Variants in KANSL1L observed in about 807,000 individuals in gnomAD.
KANSL1L encodes KAT8 regulatory NSL complex subunit 1-like protein.
In KANSL1L, 25 loss-of-function variants were observed where a neutral mutation model predicts 108.6. The observed-to-expected ratio is 0.23, with a 90% CI of 0.17 to 0.32. The LOEUF (loss-of-function observed/expected upper bound fraction) is 0.32, where lower values mean the gene tolerates loss of function less well. Among genes scored for constraint, KANSL1L ranks in the 10% least tolerant of loss-of-function variants. KANSL1L has a pLI of 1.00. For synonymous variants in KANSL1L, 405 were observed against 395.1 expected (o/e 1.03, Z -0.30); for missense variants, 1,137 against 1,125.7 (o/e 1.01, Z -0.14).
chr2:210,118,423 C>T lies in KANSL1L; in HGVS notation c.1230+10608G>A, dbSNP rs865800221. Among the ~76,000 whole-genome samples the T allele has an allele frequency of 1.2e-4, 17 of 146,316 alleles. 1 individual carries two copies. The highest frequency in any genetic ancestry group is 3.5e-3 in the Middle Eastern group (1 of 282). ...TGGAGGTCGCACTGTGAGCTCAGAT[C>T]GCACCATTGCACTCCAGCCTGGGCA... On this transcript the variant is annotated intron_variant, in intron 3 of 14. Transcript: ENST00000281772.
At chr2:210,138,582 G>A (rs533846263) in intron 2 of KANSL1L, among the ~76,000 whole-genome samples, 21 of 152,162 alleles carry the variant, frequency 1.4e-4, no homozygotes, top group Admixed American at 6.5e-4. Flanking sequence ...TGGGACTTAC[G>A]CTTTTTAAAA....
chr2:210,120,115 C>A (rs1313429832), intron 3 of KANSL1L, among the ~76,000 whole-genome samples: 2 of 152,138 alleles, frequency 1.3e-5, no homozygotes, highest in Non-Finnish European at 2.9e-5. Context: ...GCTGGCCAGG[C>A]ACGGTGGCTC....
upstream of KANSL1L, chr2:210,171,463 G>A (rs560264235): frequency 1.1e-4 from 17 of 155,022 alleles, no homozygotes; most frequent in South Asian, 8.8e-4. Flanking sequence ...GAGGGGCAGC[G>A]CCATGCAAAT....
At chr2:210,031,239 A>G in intron 9 of KANSL1L, 182 bp downstream of exon 9, 1 of 510,564 alleles carries the variant, frequency 2.0e-6, no homozygotes, top group South Asian at 2.5e-5. Flanking sequence ...GTGGGTAGAT[A>G]CCAGTCCACA....
intron 6 of KANSL1L, among the ~76,000 whole-genome samples, chr2:210,061,786 CGTG>C (rs1158924691): frequency 2.0e-5 from 3 of 152,004 alleles, no homozygotes; most frequent in Admixed American, 2.0e-4. Flanking sequence ...TTAGAAACTA[CGTG>C]AAGTTTTAAC....
intron 12 of KANSL1L, among the ~76,000 whole-genome samples, chr2:210,026,937 A>AT (rs199756283): frequency 0.015 from 2,250 of 151,928 alleles, 69 homozygotes; most frequent in African/African-American, 0.052. Flanking sequence ...CGCCCGACTA[A>AT]TTTTTTTGTA....
chr2:210,152,095 ATTAG>A (rs948918923), intron 2 of KANSL1L: 1 of 152,128 alleles, frequency 6.6e-6, no homozygotes, highest in African/African-American at 2.4e-5. Context: ...CCTAGTGCCC[ATTAG>A]TTATTTTTCC....
At chr2:210,121,233 A>G (rs2095016690) in intron 3 of KANSL1L, among the ~76,000 whole-genome samples, 1 of 152,230 alleles carries the variant, frequency 6.6e-6, no homozygotes, top group South Asian at 2.1e-4. Context: ...TAGCAAAGGC[A>G]TAGAATCAAC....
chr2:210,027,339 A>C lies in KANSL1L; in HGVS notation c.2408T>G (p.Val803Gly), dbSNP rs2093952223. ...ATATTCATCCAAAGGCTGAAGAACA[A>C]CCATCCTCCAGCTGTTGAAGATAAA... The part of the protein sequence containing the change: ...KEILTPSWRM[V>G]VLQPLDEYNL... The change falls in exon 12 of 15, where the codon GTT becomes GGT. Residue 803 changes from valine (V) to glycine (G), a missense_variant. Physicochemically the swap from Val to Gly is moderately radical, Grantham distance 109. Around this residue, in one of 3 missense-constraint regions of KANSL1L, gnomAD observed 575 missense variants for 567.1 expected, o/e 1.01. Transcript: ENST00000281772. 3 of 1,612,688 alleles carry C rather than the reference A, an allele frequency of 1.9e-6. No individual in the cohort carries two copies. In the East Asian group the frequency reaches 6.7e-5, roughly 36 times the overall value.
chr2:210,104,451 C>A, intron 3 of KANSL1L, 150 bp from the exon 4 acceptor site: 1 of 613,324 alleles, frequency 1.6e-6, no homozygotes, highest in South Asian at 2.2e-5. Context: ...AAAGAACTGG[C>A]TGGTTTAAAA....
At chr2:210,171,677 C>G (rs1376980942), upstream of KANSL1L, 2 of 151,998 alleles carry the variant, frequency 1.3e-5, no homozygotes, top group African/African-American at 4.8e-5. Flanking sequence ...AAAAACACGG[C>G]CAGGAGACTT....
Position 210,051,099 on chromosome 2 carries a change from C to A in KANSL1L, c.1756-6995G>T, listed in dbSNP as rs553284213. Among the ~76,000 whole-genome samples, 17 of 152,244 alleles carry A rather than the reference C, an allele frequency of 1.1e-4. No homozygotes were observed. In the South Asian group the frequency reaches 3.1e-3, roughly 28 times the overall value. On this transcript the variant is annotated intron_variant, in intron 6 of 14. Transcript: ENST00000281772. Reference sequence around the variant, plus strand: ...GCAGGAGGATCACTTGAGCCTTTAACATATCTTAATATTTAAATCTACATA... The same window carrying A: ...GCAGGAGGATCACTTGAGCCTTTAAAATATCTTAATATTTAAATCTACATA...
intron 6 of KANSL1L, among the ~76,000 whole-genome samples, chr2:210,045,311 G>A (rs1332138231): frequency 6.6e-6 from 1 of 151,704 alleles, no homozygotes; most frequent in Non-Finnish European, 1.5e-5. Context: ...TTCTTTTAGT[G>A]GTTTCCATAG....
intron 6 of KANSL1L, among the ~76,000 whole-genome samples, chr2:210,054,776 GAGGGGAAAGGAAGGGAA>G (rs2094331642): frequency 6.6e-6 from 1 of 151,854 alleles, no homozygotes; most frequent in Non-Finnish European, 1.5e-5. Context: ...AGGGAAAAAG[GAGGGGAAAGGAAGGGAA>G]GGGGGAAAGG....
chr2:210,149,699 AC>A (rs1401955950), intron 2 of KANSL1L, among the ~76,000 whole-genome samples: 2 of 152,044 alleles, frequency 1.3e-5, no homozygotes, highest in Non-Finnish European at 2.9e-5. Flanking sequence ...TTTTATATTC[AC>A]ACCAAAAGAT....
intron 1 of KANSL1L, among the ~76,000 whole-genome samples, chr2:210,154,903 T>C (rs2095324745): frequency 6.6e-6 from 1 of 151,974 alleles, no homozygotes. Context: ...TTTGACAACA[T>C]TTAATTACAG....
At chr2:210,137,834 C>G (rs2095188559) in intron 2 of KANSL1L, among the ~76,000 whole-genome samples, 1 of 152,026 alleles carries the variant, frequency 6.6e-6, no homozygotes, top group African/African-American at 2.4e-5. Context: ...AGTTTGAGAC[C>G]AGACTAAGCA....
chr2:210,066,965 T>C (rs2094471165), intron 6 of KANSL1L, among the ~76,000 whole-genome samples: 1 of 152,184 alleles, frequency 6.6e-6, no homozygotes, highest in South Asian at 2.1e-4. Context: ...TTGAATCAGT[T>C]GACTGAGTAG....
chr2:210,025,334 A>G (rs2093921735), intron 12 of KANSL1L, 118 bp from the exon 13 acceptor site: 3 of 576,340 alleles, frequency 5.2e-6, no homozygotes, highest in Non-Finnish European at 6.4e-6. Context: ...AGGTGGGTGG[A>G]TCACGAGGTC....
Sources: gnomAD v4.1 joint callset for allele counts (sites outside exome capture counted in the v4.1 genomes callset) on GRCh38, gnomAD v4.1.1 for gene constraint, gnomAD v4.1.1 regional missense constraint, MANE v1.5 for transcripts, NCBI Gene and HGNC (gene_info 2026-07-23, HGNC 2026-07-21) for gene names.